CRELD1: variants seen among roughly 807,000 people sequenced by gnomAD.
CRELD1 encodes the protein CRELD disulfide isomerase 1, also known as protein disulfide isomerase CRELD1.
A neutral mutation model predicts 58.2 loss-of-function variants in CRELD1; 42 were observed. That is an observed-to-expected ratio of 0.72 (90% CI 0.56 to 0.93). CRELD1 has a LOEUF of 0.93. CRELD1 is among the 40% of genes least tolerant of loss of function. The pLI, the probability that CRELD1 is intolerant of heterozygous loss-of-function variation, is 0.00. For synonymous variants in CRELD1, 222 were observed against 202.0 expected, an observed-to-expected ratio of 1.10 and a Z score of -0.84; for missense variants, 500 against 540.6, an observed-to-expected ratio of 0.92 and a Z score of 0.74.
chr3:9,935,912 TC>T (rs1436402117), intron 3 of CRELD1: 1 of 152,196 alleles, frequency 6.6e-6, no homozygotes, highest in Non-Finnish European at 1.5e-5. Context: ...TTGAGAGTTG[TC>T]ATTATATAGT....
At position 9,940,000 on chromosome 3, in the gene CRELD1, C is replaced by T. The variant is rs376946975; in HGVS notation, c.461-850C>T. Among the ~76,000 whole-genome samples, 36 of 151,686 alleles carry T rather than the reference C, an allele frequency of 2.4e-4. No homozygotes were observed. In the East Asian group the frequency reaches 5.1e-3, roughly 21 times the overall value. ...CTCCCTCCCGGACGGGCTGGCTGCC[C>T]GGCGGAGACACTTCTCACTTCCCAG... is the stretch of plus-strand genomic sequence containing the variant. On this transcript the variant is annotated intron_variant, in intron 5 of 10. Coordinates refer to ENST00000452070, the MANE Select transcript of CRELD1 (RefSeq NM_001077415.3).
chr3:9,937,429 A>G lies in CRELD1; in HGVS notation c.258-133A>G, dbSNP rs948365950. On this transcript the variant is annotated intron_variant, in intron 3 of 10. Transcript: ENST00000452070. ...CCAGGTCTCTCTGCTTCCCAGAACC[A>G]TGACCCCTTCCATTATACCTCATGG... 11 of 695,470 alleles carry G rather than the reference A, an allele frequency of 1.6e-5. No homozygotes were observed. In the Admixed American group the frequency reaches 2.3e-4, roughly 14 times the overall value. The allele number at this position is 695,470 out of a possible 1,614,324, so 43.1% of individuals were successfully genotyped here. A position where few individuals can be genotyped will look rare whatever the true frequency, so the allele number is the denominator to read the frequency against.
intron 10 of CRELD1, 83 bp downstream of exon 10, chr3:9,943,598 C>T (rs1259333423): frequency 6.2e-7 from 1 of 1,604,912 alleles, no homozygotes; most frequent in Non-Finnish European, 8.5e-7. Flanking sequence ...GTGGCAGCTC[C>T]AGGCCCTGCC....
At chr3:9,937,443 TATACCTC>T (rs1478707709) in intron 3 of CRELD1, 112 bp from the exon 4 acceptor site, 1 of 733,182 alleles carries the variant, frequency 1.4e-6, no homozygotes, top group Non-Finnish European at 2.4e-6. Flanking sequence ...CCCCTTCCAT[TATACCTC>T]ATGGCCTCTC....
At chr3:9,936,142 C>T (rs1188619270) in intron 3 of CRELD1, 4 of 149,928 alleles carry the variant, frequency 2.7e-5, no homozygotes, top group Non-Finnish European at 6.0e-5. Flanking sequence ...CTCTCAGAGC[C>T]ACAGTTTCTT....
rs2085428843 is a variant in CRELD1, at chr3:9,943,505, G to A, written c.1038G>A (p.Glu346=). The A allele has an allele frequency of 2.5e-6, 4 of 1,614,070 alleles. No homozygotes were observed. In the South Asian group the frequency reaches 4.4e-5, roughly 18 times the overall value. ...AGATGGAAGGCATCTGTGTGAAGGAGCAGATCCCAGGTGAGCCCTGGGGCG... is the reference window on the plus strand; with the variant it reads ...AGATGGAAGGCATCTGTGTGAAGGAACAGATCCCAGGTGAGCCCTGGGGCG... ...YKQMEGICVK[E]QIPESAGFFS... Residue 346 remains glutamate, a synonymous_variant, in exon 10 of 11, where the codon GAG becomes GAA. Transcript: ENST00000452070.
intron 7 of CRELD1, 164 bp from the exon 8 acceptor site, chr3:9,942,649 G>A: frequency 1.5e-6 from 1 of 674,410 alleles, no homozygotes; most frequent in Non-Finnish European, 2.7e-6. Context: ...TGTGGTCTCT[G>A]GCTGGGCAGC....
chr3:9,937,499 A>T, intron 3 of CRELD1, 63 bp from the exon 4 acceptor site: 1 of 1,074,604 alleles, frequency 9.3e-7, no homozygotes, highest in Non-Finnish European at 1.4e-6. Context: ...GTGGAGAGAG[A>T]CTTGAGGAGG....
intron 9 of CRELD1, 36 bp from the exon 10 acceptor site, chr3:9,943,345 G>T: frequency 1.2e-6 from 2 of 1,613,690 alleles, no homozygotes; most frequent in Admixed American, 1.7e-5. Context: ...TGGGTGGGGG[G>T]CCCTAGCAGG....
intron 3 of CRELD1, 24 bp downstream of exon 3, chr3:9,934,941 G>A: frequency 6.3e-7 from 1 of 1,579,406 alleles, no homozygotes; most frequent in Non-Finnish European, 8.7e-7. Context: ...GGGGGAAGGG[G>A]TGTATATTCC....
At chr3:9,941,465 TGGA>T (rs1174960342) in intron 7 of CRELD1, among the ~76,000 whole-genome samples, 1 of 152,072 alleles carries the variant, frequency 6.6e-6, no homozygotes, top group Admixed American at 6.5e-5. Flanking sequence ...AAAGGCTTCT[TGGA>T]GGAGGCGTTA....
At chr3:9,934,766 CAGT>C (rs2085120630) in intron 2 of CRELD1, 66 bp from the exon 3 acceptor site, 1 of 1,525,974 alleles carries the variant, frequency 6.6e-7, no homozygotes, top group Non-Finnish European at 9.0e-7. Context: ...GTTTCCTAGT[CAGT>C]AGAACAGTGA....
In CRELD1 at chr3:9,943,398, A is replaced by T; in HGVS notation, c.931A>T (p.Thr311Ser). Residue 311 changes from threonine (T) to serine (S), a missense_variant, in exon 10 of 11, where the codon ACA becomes TCA. Coordinates refer to ENST00000452070, the MANE Select transcript of CRELD1 (RefSeq NM_001077415.3). ...SKCLDVDECE[T>S]EVCPGENKQC... Reference sequence around the variant, plus strand: ...CCCTCAAGATGTGGATGAGTGTGAGACAGAGGTGTGTCCGGGAGAGAACAA... The same window carrying T: ...CCCTCAAGATGTGGATGAGTGTGAGTCAGAGGTGTGTCCGGGAGAGAACAA... 1 of 1,613,900 alleles carries T rather than the reference A, an allele frequency of 6.2e-7. No homozygotes were observed. Among genetic ancestry groups the T allele is most frequent in the East Asian group, 2.2e-5 (1 of 44,840 alleles).
chr3:9,943,060 T>C lies in CRELD1; in HGVS notation c.818-17T>C. ...CTAGGTGCACATCTCACCCTCATCT[T>C]TCTCTCCTCTCTCCAGACTGTGCCA... On this transcript the variant is annotated splice_polypyrimidine_tract_variant and intron_variant, in intron 8 of 10. Coordinates refer to ENST00000452070, the MANE Select transcript of CRELD1 (RefSeq NM_001077415.3). 1 of 1,612,500 alleles carries C rather than the reference T, an allele frequency of 6.2e-7. No individual in the cohort carries two copies. Among genetic ancestry groups the C allele is most frequent in the Non-Finnish European group, 8.5e-7 (1 of 1,178,730 alleles).
rs772244142 is a variant in CRELD1 at position 9,938,120 on chromosome 3, T to G, written c.460+14T>G. Reference sequence around the variant, plus strand: ...CCTCCTGCCTTCGTGAGTTTTTAAGTTGCTCTTGGGGATGGGAGGGGACCA... The same window carrying G: ...CCTCCTGCCTTCGTGAGTTTTTAAGGTGCTCTTGGGGATGGGAGGGGACCA... On this transcript the variant is annotated intron_variant, in intron 5 of 10. Transcript: ENST00000452070. 2 of 1,605,082 alleles carry G rather than the reference T, an allele frequency of 1.2e-6. No individual in the cohort carries two copies. The highest frequency in any genetic ancestry group is 1.7e-6 in the Non-Finnish European group (2 of 1,173,576).
intron 10 of CRELD1, chr3:9,943,876 A>G: frequency 6.2e-7 from 1 of 1,613,150 alleles, no homozygotes; most frequent in Non-Finnish European, 8.5e-7. Flanking sequence ...TTTCCCCAGC[A>G]ATTACTGTGT....
At chr3:9,940,755 G>T in intron 5 of CRELD1, 95 bp from the exon 6 acceptor site, 1 of 851,464 alleles carries the variant, frequency 1.2e-6, no homozygotes, top group Non-Finnish European at 1.8e-6. Context: ...GGGAGGGAGG[G>T]AAGGCAAGGG....
chr3:9,941,300 G>A, intron 7 of CRELD1, 94 bp downstream of exon 7: 2 of 1,096,370 alleles, frequency 1.8e-6, no homozygotes, highest in Non-Finnish European at 1.3e-6. Context: ...GACTAGCCTA[G>A]TCTCCACCTT....
At chr3:9,934,001 T>A (rs935389875) in intron 1 of CRELD1, 81 bp downstream of exon 1, 2 of 312,364 alleles carry the variant, frequency 6.4e-6, no homozygotes, top group African/African-American at 4.4e-5. Flanking sequence ...TCCCTTCATA[T>A]CCGGATCCGG....
Sources: gnomAD v4.1 joint callset for allele counts (sites outside exome capture counted in the v4.1 genomes callset) on GRCh38, gnomAD v4.1.1 for gene constraint, MANE v1.5 for transcripts, NCBI Gene and HGNC (gene_info 2026-07-23, HGNC 2026-07-21) for gene names.